UBA52: variants seen among roughly 807,000 people sequenced by gnomAD.
UBA52 encodes ubiquitin A-52 residue ribosomal protein fusion product 1.
In UBA52, 1 loss-of-function variant was observed where a neutral mutation model predicts 15.3. That is an observed-to-expected ratio of 0.07 (90% CI 0.02 to 0.31). The LOEUF (loss-of-function observed/expected upper bound fraction) is 0.31, where lower values mean the gene tolerates loss of function less well. Ranked by LOEUF, UBA52 falls within the 10% of genes least tolerant of loss-of-function variation. The probability of loss-of-function intolerance (pLI) is 1.00; values close to 1 mark genes in which losing one functional copy is unlikely to be tolerated. For missense variants in UBA52, 87 were observed against 168.0 expected, an observed-to-expected ratio of 0.52 and a Z score of 2.66; for synonymous variants, 50 against 58.3, an observed-to-expected ratio of 0.86 and a Z score of 0.65.
intron 1 of UBA52, chr19:18,572,971 C>A: frequency 8.5e-7 from 1 of 1,178,344 alleles, no homozygotes; most frequent in Non-Finnish European, 1.1e-6. Flanking sequence ...GTACTTATTC[C>A]ATCAGGAGAT....
upstream of UBA52, chr19:18,567,338 G>C: frequency 1.4e-6 from 1 of 712,862 alleles, no homozygotes; most frequent in South Asian, 1.7e-5. Context: ...GTGCTGGCCT[G>C]GTCCTGTCAG....
upstream of UBA52, among the ~76,000 whole-genome samples, chr19:18,570,515 T>C (rs1182367509): frequency 7.2e-6 from 1 of 138,840 alleles, no homozygotes; most frequent in Non-Finnish European, 1.6e-5. Flanking sequence ...CACTTTTTTT[T>C]TTTTTTTTTT....
chr19:18,565,209 T>G, the UBA52 span: 3 of 1,379,624 alleles, frequency 2.2e-6, no homozygotes, highest in Non-Finnish European at 1.9e-6. Flanking sequence ...ATTTACTGAT[T>G]GATTAATTGA....
upstream of UBA52, chr19:18,567,010 G>C (rs1975275822): frequency 1.3e-6 from 1 of 797,684 alleles, no homozygotes; most frequent in Non-Finnish European, 2.1e-6. Context: ...GTGATGAACA[G>C]TGTGGGGGTT....
chr19:18,571,960 C>T (rs1357226116), intron 1 of UBA52, 51 bp downstream of exon 1: 1 of 152,516 alleles, frequency 6.6e-6, no homozygotes, highest in East Asian at 1.9e-4. Flanking sequence ...CTGCAGGGGC[C>T]TGGGCGGCAG....
At position 18,575,255 on chromosome 19, in the gene UBA52, G is replaced by A. The variant is rs775390900; in HGVS notation, c.*105G>A. 4.4e-6 allele frequency: 6 copies of A among 1,378,802 alleles called. No homozygotes were observed. The South Asian group carries it at 6.1e-5, about 14-fold the overall frequency. The allele number at this position is 1,378,802 out of a possible 1,614,324, so 85.4% of individuals were successfully genotyped here. A position where few individuals can be genotyped will look rare whatever the true frequency, so the allele number is the denominator to read the frequency against. The stretch of plus-strand genomic sequence containing the variant: ...CTGGAGCAGCAATTGGTGTCCTCAT[G>A]GCTGATCTGTCCAGGGAGGTGGCTG... On this transcript the variant is annotated 3_prime_UTR_variant, in exon 5 of 5. Transcript: ENST00000442744.
In UBA52 at chr19:18,572,841, G is replaced by C. The variant is rs1197026241; in HGVS notation, c.-8-452G>C. 6.8e-6 allele frequency: 7 copies of C among 1,028,678 alleles called. No individual in the cohort carries two copies. The East Asian group carries it at 6.2e-4, about 91-fold the overall frequency. The allele number at this position is 1,028,678 out of a possible 1,614,324, so 63.7% of individuals were successfully genotyped here. ...CGACAGGAAGGCATGTGTGTTGTAGGGGATGGCTTCCCATCCAGGCTGGCA... is the reference window on the plus strand; with the variant it reads ...CGACAGGAAGGCATGTGTGTTGTAGCGGATGGCTTCCCATCCAGGCTGGCA... On this transcript the variant is annotated intron_variant, in intron 1 of 4. Coordinates refer to ENST00000442744, the MANE Select transcript of UBA52 (RefSeq NM_001033930.3).
chr19:18,568,160 A>G (rs2314667), upstream of UBA52, among the ~76,000 whole-genome samples: 97,419 of 151,572 alleles, frequency 0.64, 31,713 homozygotes, highest in African/African-American at 0.75. Flanking sequence ...TCAGCTACTC[A>G]GGAGGTTAAG....
Position 18,573,764 on chromosome 19 carries a change from T to C in UBA52, c.190+16T>C. 9.9e-6 allele frequency: 16 copies of C among 1,612,896 alleles called. No individual in the cohort carries two copies. The highest frequency in any genetic ancestry group is 1.4e-5 in the Non-Finnish European group (16 of 1,179,276). On this transcript the variant is annotated intron_variant, in intron 3 of 4. Coordinates refer to ENST00000442744, the MANE Select transcript of UBA52 (RefSeq NM_001033930.3). ...ATCCAGAAAGGTACCGGGGTTGGGGTTGCTGGGCAGGGACCCAAGATCCCC... is the reference window on the plus strand; with the variant it reads ...ATCCAGAAAGGTACCGGGGTTGGGGCTGCTGGGCAGGGACCCAAGATCCCC...
At chr19:18,567,198 C>T, upstream of UBA52, 1 of 1,613,800 alleles carries the variant, frequency 6.2e-7, no homozygotes, top group Non-Finnish European at 8.5e-7. Context: ...ACGCAGGGTT[C>T]CTGCTCCCGA....
rs41293575 is a variant in UBA52, at chr19:18,575,013, G to A, written c.293+41G>A. Reference sequence around the variant, plus strand: ...TGCTTGGGGGGCTGTGGGGGCTGCCGGAGTCGGGGTATGCCCTCACCCACC... The same window carrying A: ...TGCTTGGGGGGCTGTGGGGGCTGCCAGAGTCGGGGTATGCCCTCACCCACC... On this transcript the variant is annotated intron_variant, in intron 4 of 4. Coordinates refer to ENST00000442744, the MANE Select transcript of UBA52 (RefSeq NM_001033930.3). 3,755 of 1,614,202 alleles carry A rather than the reference G, an allele frequency of 2.3e-3. 86 individuals carry two copies. The African/African-American group carries it at 0.045, about 20-fold the overall frequency.
At chr19:18,572,095 C>T (rs1430632948) in intron 1 of UBA52, 186 bp downstream of exon 1, 2 of 152,312 alleles carry the variant, frequency 1.3e-5, no homozygotes, top group Non-Finnish European at 2.9e-5. Context: ...GGAGAGGAGC[C>T]TGCCTGCTCT....
chr19:18,573,124 A>G, intron 1 of UBA52, 169 bp from the exon 2 acceptor site: 1 of 1,150,840 alleles, frequency 8.7e-7, no homozygotes, highest in South Asian at 1.5e-5. Flanking sequence ...GGTGTGTGAG[A>G]AGCCTAGCAG....
At chr19:18,567,834 G>T (rs144753455), upstream of UBA52, among the ~76,000 whole-genome samples, 1 of 152,310 alleles carries the variant, frequency 6.6e-6, no homozygotes, top group Non-Finnish European at 1.5e-5. Context: ...CATATACCTA[G>T]CCCAGGTAGT....
upstream of UBA52, chr19:18,569,360 C>A (rs1281404990): frequency 1.3e-5 from 2 of 152,512 alleles, no homozygotes; most frequent in African/African-American, 4.8e-5. Flanking sequence ...AAAAAGACAC[C>A]ATTACTAAAA....
the UBA52 span, chr19:18,564,876 C>T: frequency 4.3e-6 from 7 of 1,613,526 alleles, no homozygotes; most frequent in South Asian, 1.1e-5. Flanking sequence ...CAGGCTGGAC[C>T]GCTTTGAGAA....
the UBA52 span, among the ~76,000 whole-genome samples, chr19:18,565,851 C>T: frequency 2.6e-5 from 4 of 152,250 alleles, no homozygotes; most frequent in African/African-American, 9.6e-5. Flanking sequence ...CCACGCCCAG[C>T]TGATTTTTTG....
intron 3 of UBA52, among the ~76,000 whole-genome samples, chr19:18,574,272 C>T (rs1975664989): frequency 6.6e-6 from 1 of 151,376 alleles, no homozygotes; most frequent in African/African-American, 2.4e-5. Context: ...AAATTAGTGT[C>T]ACTTGTGGGA....
chr19:18,575,443 AT>A lies in UBA52; in HGVS notation c.*295del, dbSNP rs1224038272. ...CTGGAGTAAAAACCTCAGTCGTGTAATTGGTGGGACTGAGGATCAGTTTTGT... is the reference window on the plus strand; with the variant it reads ...CTGGAGTAAAAACCTCAGTCGTGTAATGGTGGGACTGAGGATCAGTTTTGT... On this transcript the variant is annotated 3_prime_UTR_variant, in exon 5 of 5. Coordinates refer to ENST00000442744, the MANE Select transcript of UBA52 (RefSeq NM_001033930.3). 9.4e-6 allele frequency: 4 copies of A among 425,470 alleles called. No individual in the cohort carries two copies. The highest frequency in any genetic ancestry group is 1.7e-5 in the Non-Finnish European group (4 of 228,840). 26.4% of individuals were successfully genotyped at this position (425,470 alleles called of 1,614,324 possible). A position where few individuals can be genotyped will look rare whatever the true frequency, so the allele number is the denominator to read the frequency against.
Sources: allele counts gnomAD v4.1 joint callset (sites outside exome capture counted in the v4.1 genomes callset), GRCh38; gene constraint gnomAD v4.1.1; transcripts MANE v1.5; gene names NCBI Gene and HGNC (gene_info 2026-07-23, HGNC 2026-07-21).